PARD3B: variants seen among roughly 807,000 people sequenced by gnomAD.
The protein encoded by PARD3B is par-3 family cell polarity regulator beta.
PARD3B carries 103 observed loss-of-function variants against 130.2 expected under a neutral mutation model. The ratio of observed to expected loss-of-function variants is 0.79; its 90% CI spans 0.67 to 0.93. The LOEUF is 0.93. Among genes scored for constraint, PARD3B ranks in the 40% least tolerant of loss-of-function variants. PARD3B has a pLI of 0.00. For missense variants in PARD3B, 1,609 were observed against 1,499.2 expected (o/e 1.07, Z -1.21); for synonymous variants, 583 against 553.2 (o/e 1.05, Z -0.76).
chr2:205,252,837 G>GAC (rs2039908830), intron 16 of PARD3B, among the ~76,000 whole-genome samples: 1 of 66,146 alleles, frequency 1.5e-5, no homozygotes, highest in Non-Finnish European at 3.3e-5. Flanking sequence ...AACCTGAAGG[G>GAC]ACCCCCCCCC....
intron 15 of PARD3B, among the ~76,000 whole-genome samples, chr2:205,195,081 G>T (rs2036609765): frequency 6.6e-6 from 1 of 151,742 alleles, no homozygotes; most frequent in African/African-American, 2.4e-5. Context: ...TTACAGGCGT[G>T]AGCCACCGCA....
chr2:204,641,501 T>C (rs1256715419), intron 1 of PARD3B, among the ~76,000 whole-genome samples: 1 of 152,124 alleles, frequency 6.6e-6, no homozygotes, highest in African/African-American at 2.4e-5. Flanking sequence ...TAGTGTTATA[T>C]TTATAGTTGT....
In PARD3B at chr2:204,566,964, C is replaced by T. The variant is rs539519615; in HGVS notation, c.120+20845C>T. Among the ~76,000 whole-genome samples, 505 of 151,988 alleles carry T rather than the reference C, an allele frequency of 3.3e-3. 3 individuals carry two copies. The highest frequency in any genetic ancestry group is 0.011 in the African/African-American group (462 of 41,448). On this transcript the variant is annotated intron_variant, in intron 1 of 22. Transcript: ENST00000406610. ...TGCGATCTTGGCTCACTGCAACCTC[C>T]GCCTCCCAGGTTCAAGTGACTCTCC...
intron 15 of PARD3B, among the ~76,000 whole-genome samples, chr2:205,218,099 G>A (rs1462566169): frequency 6.6e-6 from 1 of 151,444 alleles, no homozygotes; most frequent in Non-Finnish European, 1.5e-5. Context: ...CACCATGTTG[G>A]TCAGGCTGGT....
At chr2:204,977,830 AAAAAG>A (rs1692321529) in intron 3 of PARD3B, among the ~76,000 whole-genome samples, 2 of 151,022 alleles carry the variant, frequency 1.3e-5, no homozygotes, top group African/African-American at 4.9e-5. Flanking sequence ...AAAAAAAAAA[AAAAAG>A]AATAGGGAGC....
chr2:204,554,807 C>T (rs2030803742), intron 1 of PARD3B, among the ~76,000 whole-genome samples: 1 of 152,140 alleles, frequency 6.6e-6, no homozygotes, highest in Non-Finnish European at 1.5e-5. Flanking sequence ...ACTATCTGTG[C>T]AGAAAAAGTT....
intron 21 of PARD3B, among the ~76,000 whole-genome samples, chr2:205,522,657 G>C (rs989985676): frequency 6.6e-6 from 1 of 152,114 alleles, no homozygotes; most frequent in African/African-American, 2.4e-5. Context: ...ATCTTGGCTT[G>C]TGGTACTGGC....
intron 22 of PARD3B, among the ~76,000 whole-genome samples, chr2:205,612,435 C>G (rs1038336117): frequency 6.6e-6 from 1 of 152,112 alleles, no homozygotes; most frequent in Non-Finnish European, 1.5e-5. Flanking sequence ...AGCCACCGCC[C>G]CCGGCCAAAA....
At chr2:204,974,943 C>T (rs1211679186) in intron 3 of PARD3B, among the ~76,000 whole-genome samples, 1 of 152,186 alleles carries the variant, frequency 6.6e-6, no homozygotes, top group Non-Finnish European at 1.5e-5. Context: ...ATCACAGATT[C>T]ATTCCCAAGT....
chr2:204,580,267 C>T (rs2125079865), intron 1 of PARD3B, among the ~76,000 whole-genome samples: 1 of 152,218 alleles, frequency 6.6e-6, no homozygotes, highest in South Asian at 2.1e-4. Flanking sequence ...TTGTTCCATC[C>T]TCCGTCCTGG....
chr2:205,046,389 G>A (rs552868523), intron 3 of PARD3B, among the ~76,000 whole-genome samples: 1 of 151,896 alleles, frequency 6.6e-6, no homozygotes, highest in African/African-American at 2.4e-5. Flanking sequence ...TTAATAAAAA[G>A]GAAATAAAGG....
At chr2:204,789,040 A>G (rs2042109956) in intron 2 of PARD3B, among the ~76,000 whole-genome samples, 1 of 152,054 alleles carries the variant, frequency 6.6e-6, no homozygotes, top group Non-Finnish European at 1.5e-5. Context: ...TATTAAATGG[A>G]ATATAATTTT....
intron 2 of PARD3B, among the ~76,000 whole-genome samples, chr2:204,803,674 C>G (rs2042658741): frequency 2.0e-5 from 3 of 151,954 alleles, no homozygotes; most frequent in Admixed American, 2.0e-4. Context: ...TATTTTCAAG[C>G]CTCATGGTAA....
intron 1 of PARD3B, among the ~76,000 whole-genome samples, chr2:204,670,657 A>T (rs751693465): frequency 3.9e-5 from 6 of 152,182 alleles, no homozygotes; most frequent in Admixed American, 6.5e-5. Context: ...CTCAAGCTAT[A>T]CGTTTTTTTC....
chr2:205,073,377 G>A (rs992613632), intron 4 of PARD3B, among the ~76,000 whole-genome samples: 4 of 152,108 alleles, frequency 2.6e-5, no homozygotes, highest in African/African-American at 7.2e-5. Context: ...AAAAGATGTC[G>A]AAAAACTTGT....
At chr2:205,581,436 AAT>A (rs1491211642) in intron 22 of PARD3B, among the ~76,000 whole-genome samples, 1 of 144,354 alleles carries the variant, frequency 6.9e-6, no homozygotes, top group African/African-American at 2.5e-5. Context: ...AATATATATA[AAT>A]ATATATAAAT....
At chr2:204,647,454 CTT>C (rs754390874) in intron 1 of PARD3B, among the ~76,000 whole-genome samples, 1 of 150,732 alleles carries the variant, frequency 6.6e-6, no homozygotes, top group Non-Finnish European at 1.5e-5. Flanking sequence ...TGGTTTATAC[CTT>C]TTGTCTTATT....
At position 205,327,574 on chromosome 2, in the gene PARD3B, C is replaced by T. The variant is rs181463695; in HGVS notation, c.2630+25873C>T. On this transcript the variant is annotated intron_variant, in intron 18 of 22. Transcript: ENST00000406610. ...TGCCCATGGGCAGATAGATTCTAAA[C>T]GGACAGAACTGGTAGGATTTCACCC... is the stretch of plus-strand genomic sequence containing the variant. Among the ~76,000 whole-genome samples the T allele has an allele frequency of 9.7e-4, 148 of 152,264 alleles. 1 individual carries two copies. The highest frequency in any genetic ancestry group is 2.5e-3 in the Admixed American group (38 of 15,286).
chr2:205,580,871 C>T (rs1330710332), intron 22 of PARD3B, among the ~76,000 whole-genome samples: 1 of 152,050 alleles, frequency 6.6e-6, no homozygotes, highest in African/African-American at 2.4e-5. Flanking sequence ...TTAGAATAGC[C>T]TTCTTTAGAA....
Sources: allele counts gnomAD v4.1 joint callset (sites outside exome capture counted in the v4.1 genomes callset), GRCh38; gene constraint gnomAD v4.1.1; transcripts MANE v1.5; gene names NCBI Gene and HGNC (gene_info 2026-07-23, HGNC 2026-07-21).